The following PRR16 variants were observed in gnomAD, a reference collection of about 807,000 sequenced individuals.
PRR16 encodes proline rich 16.
PRR16 carries 6 observed loss-of-function variants against 18.2 expected under a neutral mutation model. The ratio of observed to expected loss-of-function variants is 0.33; its 90% CI spans 0.18 to 0.65. The LOEUF (loss-of-function observed/expected upper bound fraction) is 0.65. Among genes scored for constraint, PRR16 ranks in the 30% least tolerant of loss-of-function variants. The pLI, the probability that PRR16 is intolerant of heterozygous loss-of-function variation, is 0.74. For missense variants in PRR16, 412 were observed against 376.6 expected, an observed-to-expected ratio of 1.09 and a Z score of -0.78; for synonymous variants, 151 against 147.8, an observed-to-expected ratio of 1.02 and a Z score of -0.16.
At chr5:120,495,226 A>G (rs1750204369) in intron 1 of PRR16, among the ~76,000 whole-genome samples, 1 of 152,098 alleles carries the variant, frequency 6.6e-6, no homozygotes, top group Admixed American at 6.6e-5. Context: ...TTATTTGATC[A>G]TGTTAGATTT....
intron 1 of PRR16, among the ~76,000 whole-genome samples, chr5:120,572,075 G>T (rs556085147): frequency 1.3e-5 from 2 of 152,052 alleles, no homozygotes; most frequent in Non-Finnish European, 2.9e-5. Context: ...GGTAGCTGTC[G>T]GTGTCTTAAG....
chr5:120,552,930 C>T (rs1752299286), intron 1 of PRR16, among the ~76,000 whole-genome samples: 1 of 151,816 alleles, frequency 6.6e-6, no homozygotes, highest in Non-Finnish European at 1.5e-5. Context: ...GAGCTTACCT[C>T]TGCAACTAAC....
At chr5:120,783,243 A>G in the PRR16 span, among the ~76,000 whole-genome samples, 2 of 152,214 alleles carry the variant, frequency 1.3e-5, no homozygotes, top group Non-Finnish European at 2.9e-5. Context: ...CTCAGTATTC[A>G]TAGTTTGCGA....
chr5:120,607,000 T>C (rs1754175961), intron 1 of PRR16, among the ~76,000 whole-genome samples: 1 of 152,214 alleles, frequency 6.6e-6, no homozygotes, highest in Admixed American at 6.5e-5. Context: ...CCAAATAATT[T>C]CCAAAACATG....
At chr5:120,622,792 A>G (rs1754732349) in intron 1 of PRR16, among the ~76,000 whole-genome samples, 1 of 152,074 alleles carries the variant, frequency 6.6e-6, no homozygotes, top group South Asian at 2.1e-4. Context: ...TTGGCATTTC[A>G]TATTTTAGCT....
At chr5:120,742,035 T>C in the PRR16 span, among the ~76,000 whole-genome samples, 1 of 152,162 alleles carries the variant, frequency 6.6e-6, no homozygotes, top group African/African-American at 2.4e-5. Context: ...GATGATTTTC[T>C]CTCCTCTTGT....
intron 1 of PRR16, among the ~76,000 whole-genome samples, chr5:120,614,945 A>G (rs905341916): frequency 6.6e-6 from 1 of 152,186 alleles, no homozygotes; most frequent in Admixed American, 6.6e-5. Context: ...TTAATTACAA[A>G]GCCCAAGTTC....
intron 1 of PRR16, among the ~76,000 whole-genome samples, chr5:120,683,143 G>A (rs1336618003): frequency 6.6e-6 from 1 of 152,114 alleles, no homozygotes; most frequent in African/African-American, 2.4e-5. Context: ...TTATTTAGGA[G>A]CATGAGACAA....
chr5:120,728,628 G>A, the PRR16 span, among the ~76,000 whole-genome samples: 2 of 152,092 alleles, frequency 1.3e-5, no homozygotes, highest in African/African-American at 2.4e-5. Flanking sequence ...ATTTATGTTG[G>A]TATTTTCAAG....
chr5:120,752,296 A>G, the PRR16 span, among the ~76,000 whole-genome samples: 3 of 152,158 alleles, frequency 2.0e-5, no homozygotes, highest in East Asian at 5.8e-4. Context: ...TCCAGACGAG[A>G]CCTTGGCATC....
intron 1 of PRR16, among the ~76,000 whole-genome samples, chr5:120,627,080 A>T (rs1391102946): frequency 2.6e-5 from 4 of 152,050 alleles, no homozygotes; most frequent in African/African-American, 9.7e-5. Flanking sequence ...ATAGTCAATC[A>T]CCCAATTTTA....
chr5:120,725,334 T>G, the PRR16 span, among the ~76,000 whole-genome samples: 2,692 of 149,884 alleles, frequency 0.018, 93 homozygotes, highest in African/African-American at 0.061. Context: ...ATTCAAGACT[T>G]AACCCAGAAT....
At chr5:120,540,114 A>C (rs961891738) in intron 1 of PRR16, among the ~76,000 whole-genome samples, 1 of 152,198 alleles carries the variant, frequency 6.6e-6, no homozygotes, top group Non-Finnish European at 1.5e-5. Flanking sequence ...CATTAGAAGA[A>C]AAGACAGCAG....
chr5:120,751,379 G>C, the PRR16 span, among the ~76,000 whole-genome samples: 1 of 151,992 alleles, frequency 6.6e-6, no homozygotes, highest in African/African-American at 2.4e-5. Context: ...ATAATAATTT[G>C]CATATTCCAA....
At chr5:120,497,924 A>G (rs752489984) in intron 1 of PRR16, among the ~76,000 whole-genome samples, 33 of 151,746 alleles carry the variant, frequency 2.2e-4, no homozygotes, top group African/African-American at 7.3e-4. Flanking sequence ...ATTCCTGTCT[A>G]TATCATTATA....
At chr5:120,770,069 G>A in the PRR16 span, among the ~76,000 whole-genome samples, 14 of 151,842 alleles carry the variant, frequency 9.2e-5, no homozygotes, top group Non-Finnish European at 1.6e-4. Context: ...TAATTGTTGA[G>A]TTACATTTTT....
chr5:120,680,947 T>C (rs1296362639), intron 1 of PRR16, among the ~76,000 whole-genome samples: 1 of 152,188 alleles, frequency 6.6e-6, no homozygotes, highest in Non-Finnish European at 1.5e-5. Flanking sequence ...GTATAGATAC[T>C]ATATGTTGCT....
the PRR16 span, among the ~76,000 whole-genome samples, chr5:120,774,370 C>G: frequency 7.0e-4 from 107 of 152,250 alleles, no homozygotes; most frequent in African/African-American, 2.4e-3. Flanking sequence ...AAAATTTTCT[C>G]ATGAATTTTT....
intron 1 of PRR16, among the ~76,000 whole-genome samples, chr5:120,531,935 A>G (rs954849717): frequency 7.2e-5 from 11 of 152,212 alleles, no homozygotes; most frequent in African/African-American, 2.7e-4. Context: ...TGCATTGAAG[A>G]CAATGATATC....
Sources: gnomAD v4.1 joint callset for allele counts (sites outside exome capture counted in the v4.1 genomes callset) on GRCh38, gnomAD v4.1.1 for gene constraint, MANE v1.5 for transcripts, NCBI Gene and HGNC (gene_info 2026-07-23, HGNC 2026-07-21) for gene names.